The following PRKCE variants were observed in gnomAD, a reference collection of about 807,000 sequenced individuals.
The protein encoded by PRKCE is protein kinase C epsilon, also known as protein kinase C epsilon type.
PRKCE carries 16 observed loss-of-function variants against 85.4 expected under a neutral mutation model. That is an observed-to-expected ratio of 0.19 (90% confidence interval 0.13 to 0.28). PRKCE has a LOEUF of 0.28. Ranked by LOEUF, PRKCE falls within the 10% of genes least tolerant of loss-of-function variation. The pLI is 1.00. For synonymous variants in PRKCE, 388 were observed against 371.5 expected (o/e 1.04, Z -0.51); for missense variants, 573 against 975.2 (o/e 0.59, Z 5.49).
Position 45,713,902 on chromosome 2 carries a change from A to C in PRKCE, c.348+61454A>C, listed in dbSNP as rs568233985. Among the ~76,000 whole-genome samples the C allele has an allele frequency of 1.3e-4, 20 of 152,328 alleles. 1 individual carries two copies. In the South Asian group the frequency reaches 3.9e-3, roughly 30 times the overall value. On this transcript the variant is annotated intron_variant, in intron 1 of 14. Coordinates refer to ENST00000306156, the MANE Select transcript of PRKCE (RefSeq NM_005400.3). ...ACAAAGGACTTTTATTCTATAAAGC[A>C]TTGGTTTGCAAACTTTTGCATTTCT...
At chr2:45,854,516 G>A (rs772540450) in intron 2 of PRKCE, among the ~76,000 whole-genome samples, 7 of 149,792 alleles carry the variant, frequency 4.7e-5, no homozygotes, top group Non-Finnish European at 7.4e-5. Context: ...AAAATAAGAA[G>A]CTTGGATTCT....
chr2:45,865,815 C>CTTCTTCTTCTTTT (rs779577778), intron 2 of PRKCE, among the ~76,000 whole-genome samples: 18 of 133,680 alleles, frequency 1.3e-4, no homozygotes, highest in Non-Finnish European at 1.8e-4. Flanking sequence ...TCTTCTTCTT[C>CTTCTTCTTCTTTT]TTTTTTTTTT....
At position 46,001,257 on chromosome 2, in the gene PRKCE, A is replaced by ATG; in HGVS notation, c.824-146_824-145insGT. 4.3e-6 allele frequency: 2 copies of ATG among 463,940 alleles called. No homozygotes were observed. The highest frequency in any genetic ancestry group is 1.3e-4 in the East Asian group (2 of 15,802). 28.7% of individuals were successfully genotyped at this position (463,940 alleles called of 1,614,324 possible). A position where few individuals can be genotyped will look rare whatever the true frequency, so the allele number is the denominator to read the frequency against. On this transcript the variant is annotated intron_variant, in intron 6 of 14. Transcript: ENST00000306156. The surrounding 1 kb of genome is among the most constrained non-coding windows in gnomAD (Gnocchi z 4.4). The stretch of plus-strand genomic sequence containing the variant: ...TGGTTTTGTATGATGGAAGACATAT[A>ATG]TATATATATATATATTTCTGTATTT...
chr2:45,812,394 A>G (rs559710561), intron 1 of PRKCE, among the ~76,000 whole-genome samples: 3 of 152,344 alleles, frequency 2.0e-5, no homozygotes, highest in South Asian at 4.1e-4. Flanking sequence ...TTACCCAGCA[A>G]AACAAGTACT....
chr2:45,789,574 G>A (rs1157640327), intron 1 of PRKCE, among the ~76,000 whole-genome samples: 1 of 152,126 alleles, frequency 6.6e-6, no homozygotes, highest in Non-Finnish European at 1.5e-5. Context: ...AAGCTGCAGT[G>A]AGCTAATGAT....
At chr2:45,712,795 T>G (rs1236728466) in intron 1 of PRKCE, among the ~76,000 whole-genome samples, 1 of 152,168 alleles carries the variant, frequency 6.6e-6, no homozygotes, top group African/African-American at 2.4e-5. Context: ...TTCTATTGCA[T>G]GGTTCTCATT....
chr2:46,098,429 AATGTT>A (rs1349952925), intron 11 of PRKCE, among the ~76,000 whole-genome samples: 1 of 152,210 alleles, frequency 6.6e-6, no homozygotes, highest in African/African-American at 2.4e-5. Context: ...AACATTAATT[AATGTT>A]ATTATTATCA....
Position 45,787,506 on chromosome 2 carries a change from G to A in PRKCE, c.349-55494G>A, listed in dbSNP as rs1433357961. Among the ~76,000 whole-genome samples the A allele has an allele frequency of 2.6e-5, 4 of 152,140 alleles. No individual in the cohort carries two copies. In the East Asian group the frequency reaches 7.7e-4, roughly 29 times the overall value. On this transcript the variant is annotated intron_variant, in intron 1 of 14. Coordinates refer to ENST00000306156, the MANE Select transcript of PRKCE (RefSeq NM_005400.3). ...GAGGGGAAGTTCAGTTGTAGGCAATGGAGCCAGGCAGGTCTTTTCCAGATG... is the reference window on the plus strand; with the variant it reads ...GAGGGGAAGTTCAGTTGTAGGCAATAGAGCCAGGCAGGTCTTTTCCAGATG...
chr2:46,026,906 G>C (rs144222658), intron 10 of PRKCE, among the ~76,000 whole-genome samples: 26 of 152,296 alleles, frequency 1.7e-4, no homozygotes, highest in African/African-American at 6.3e-4. Context: ...AAAAGCAAGG[G>C]GCCGGGTGTG....
chr2:45,815,339 G>A (rs3886870), intron 1 of PRKCE, among the ~76,000 whole-genome samples: 29,258 of 152,190 alleles, frequency 0.19, 3,309 homozygotes, highest in East Asian at 0.28. Context: ...AAGTGTAGCA[G>A]GCAGTGATGC....
chr2:46,084,892 T>C (rs1267781688), intron 10 of PRKCE, among the ~76,000 whole-genome samples: 2 of 152,090 alleles, frequency 1.3e-5, no homozygotes, highest in Non-Finnish European at 2.9e-5. Flanking sequence ...ACCTTCTTTT[T>C]CTCTCCAGGC....
intron 2 of PRKCE, among the ~76,000 whole-genome samples, chr2:45,912,494 A>C (rs1385172515): frequency 1.3e-5 from 2 of 152,132 alleles, no homozygotes; most frequent in African/African-American, 4.8e-5. Context: ...GGGTTCTGCC[A>C]CACACTGCAG....
At chr2:45,767,039 TA>T (rs11435171) in intron 1 of PRKCE, among the ~76,000 whole-genome samples, 81 of 147,086 alleles carry the variant, frequency 5.5e-4, no homozygotes, top group South Asian at 1.1e-3. Flanking sequence ...AAACTCAGTC[TA>T]AAAAAAAAAA....
At chr2:46,129,164 C>T (rs574126401) in intron 11 of PRKCE, among the ~76,000 whole-genome samples, 6 of 152,226 alleles carry the variant, frequency 3.9e-5, no homozygotes, top group Admixed American at 2.0e-4. Context: ...GGGGAGAATT[C>T]GAGGAGCTCC....
At chr2:45,894,482 C>G (rs1695977607) in intron 2 of PRKCE, among the ~76,000 whole-genome samples, 1 of 151,074 alleles carries the variant, frequency 6.6e-6, no homozygotes, top group African/African-American at 2.4e-5. Flanking sequence ...TGAAGAATCT[C>G]TTAAGATGAC....
chr2:45,973,352 C>T (rs1459404031), intron 2 of PRKCE, among the ~76,000 whole-genome samples: 2 of 152,216 alleles, frequency 1.3e-5, no homozygotes, highest in East Asian at 1.9e-4. Context: ...TTTCAGCAGC[C>T]ACAGGCTCCA....
At chr2:46,163,861 G>C (rs1678045509) in intron 14 of PRKCE, among the ~76,000 whole-genome samples, 1 of 144,150 alleles carries the variant, frequency 6.9e-6, no homozygotes, top group African/African-American at 2.6e-5. Context: ...GGAAGCTGAG[G>C]TGCACCCCAC....
At chr2:46,049,708 C>T (rs1191745328) in intron 10 of PRKCE, among the ~76,000 whole-genome samples, 3 of 152,200 alleles carry the variant, frequency 2.0e-5, no homozygotes, top group Non-Finnish European at 2.9e-5. Context: ...TCTGCATTCT[C>T]GTAAATCCCA....
At chr2:45,919,709 T>G (rs58949076) in intron 2 of PRKCE, among the ~76,000 whole-genome samples, 8,585 of 152,342 alleles carry the variant, frequency 0.056, 282 homozygotes, top group African/African-American at 0.092. Flanking sequence ...TTGGAAAATC[T>G]AGGCCTTCTT....
Sources: allele counts gnomAD v4.1 joint callset (sites outside exome capture counted in the v4.1 genomes callset), GRCh38; gene constraint gnomAD v4.1.1; non-coding constraint Gnocchi (gnomAD v3.1); transcripts MANE v1.5; gene names NCBI Gene and HGNC (gene_info 2026-07-23, HGNC 2026-07-21).